Variants in HAVCR2 observed in about 807,000 individuals in gnomAD.
HAVCR2 encodes the protein T cell immunoglobulin mucin 3.
Under a neutral mutation model 24.7 loss-of-function variants are expected in HAVCR2, and 13 were observed. The observed-to-expected ratio is 0.53, with a 90% CI of 0.34 to 0.84. HAVCR2 has a LOEUF of 0.84. Ranked by LOEUF, HAVCR2 falls within the 40% of genes least tolerant of loss-of-function variation. HAVCR2 has a pLI of 0.01. For synonymous variants in HAVCR2, 154 were observed against 143.4 expected, an observed-to-expected ratio of 1.07 and a Z score of -0.53; for missense variants, 343 against 371.2, an observed-to-expected ratio of 0.92 and a Z score of 0.62.
chr5:157,094,392 AC>A (rs1177880150), intron 5 of HAVCR2, among the ~76,000 whole-genome samples: 4 of 148,078 alleles, frequency 2.7e-5, no homozygotes, highest in African/African-American at 5.1e-5. Context: ...ATATTTTATT[AC>A]TTTTTTTTTT....
chr5:157,091,939 C>T (rs780941945), intron 5 of HAVCR2, among the ~76,000 whole-genome samples: 2 of 151,874 alleles, frequency 1.3e-5, no homozygotes, highest in Non-Finnish European at 2.9e-5. Flanking sequence ...AAGCTGTCAC[C>T]TTGATTTTAA....
intron 5 of HAVCR2, among the ~76,000 whole-genome samples, chr5:157,094,392 A>C (rs1757062231): frequency 1.4e-5 from 2 of 148,078 alleles, no homozygotes; most frequent in Admixed American, 1.3e-4. Flanking sequence ...ATATTTTATT[A>C]CTTTTTTTTT....
At chr5:157,088,617 A>C (rs12519200) in intron 6 of HAVCR2, among the ~76,000 whole-genome samples, 9,138 of 152,292 alleles carry the variant, frequency 0.06, 418 homozygotes, top group Admixed American at 0.14. Context: ...AGTGCAGCCC[A>C]GACCCTGGAT....
chr5:157,106,271 C>A, intron 2 of HAVCR2: 1 of 184,606 alleles, frequency 5.4e-6, no homozygotes, highest in Non-Finnish European at 1.1e-5. Context: ...GCTAGAATTA[C>A]AGGCTCCCGT....
rs989419886 is a variant in HAVCR2, at chr5:157,085,919, G to A, written c.*1183C>T. On this transcript the variant is annotated 3_prime_UTR_variant, in exon 7 of 7. Coordinates refer to ENST00000307851, the MANE Select transcript of HAVCR2 (RefSeq NM_032782.5). ...GGCAACAATAAGCAAGACAGATCAA[G>A]CCTATACCGTCTTGAAATTTAAGTT... 6.6e-6 allele frequency: 1 copy of A among 152,190 alleles called. No homozygotes were observed. 9.4% of individuals were successfully genotyped at this position (152,190 alleles called of 1,614,324 possible).
Position 157,098,918 on chromosome 5 carries a change from A to C in HAVCR2, c.479-17T>G. 1 of 1,608,894 alleles carries C rather than the reference A, an allele frequency of 6.2e-7. No homozygotes were observed. Among genetic ancestry groups the C allele is most frequent in the Non-Finnish European group, 8.5e-7 (1 of 1,177,772 alleles). The stretch of plus-strand genomic sequence containing the variant: ...GTGTCTCTGCTATAAAAAGAGAGAG[A>C]GAGAGAGAGAGAGGAAAAATAGCCA... On this transcript the variant is annotated splice_polypyrimidine_tract_variant and intron_variant, in intron 3 of 6. Coordinates refer to ENST00000307851, the MANE Select transcript of HAVCR2 (RefSeq NM_032782.5).
At chr5:157,090,643 G>A (rs573135846) in intron 5 of HAVCR2, among the ~76,000 whole-genome samples, 42 of 152,176 alleles carry the variant, frequency 2.8e-4, no homozygotes, top group African/African-American at 7.9e-4. Flanking sequence ...TTGGCCTCCC[G>A]AAGTGTTAGG....
intron 5 of HAVCR2, among the ~76,000 whole-genome samples, chr5:157,092,977 A>T (rs902497995): frequency 6.8e-6 from 1 of 146,122 alleles, no homozygotes; most frequent in Non-Finnish European, 1.5e-5. Context: ...CTGAGGCACA[A>T]GAATTGCTTG....
rs755949696 is a variant in HAVCR2, at chr5:157,095,466, A to G, written c.523-7T>C. The G allele has an allele frequency of 1.2e-6, 2 of 1,613,820 alleles. No individual in the cohort carries two copies. Among genetic ancestry groups the G allele is most frequent in the Non-Finnish European group, 1.7e-6 (2 of 1,179,960 alleles). On this transcript the variant is annotated splice_polypyrimidine_tract_variant and splice_region_variant and intron_variant, in intron 4 of 6. Coordinates refer to ENST00000307851, the MANE Select transcript of HAVCR2 (RefSeq NM_032782.5). Reference sequence around the variant, plus strand: ...TGGCCAATGTGGATATTTGCTATGGAAACACAAACAGGATTTAAGCAGAAA... The same window carrying G: ...TGGCCAATGTGGATATTTGCTATGGGAACACAAACAGGATTTAAGCAGAAA...
intron 2 of HAVCR2, among the ~76,000 whole-genome samples, chr5:157,105,152 C>A (rs906651133): frequency 7.2e-5 from 11 of 151,824 alleles, no homozygotes; most frequent in Non-Finnish European, 1.3e-4. Context: ...GCAACCTCCG[C>A]CTCCTGGGTT....
intron 5 of HAVCR2, among the ~76,000 whole-genome samples, chr5:157,090,218 C>T (rs1756978147): frequency 7.8e-6 from 1 of 128,912 alleles, no homozygotes; most frequent in Non-Finnish European, 1.6e-5. Context: ...CAACTTTGAA[C>T]TCCTGGGCTC....
intron 6 of HAVCR2, among the ~76,000 whole-genome samples, chr5:157,088,536 A>G (rs932892485): frequency 6.6e-6 from 1 of 152,230 alleles, no homozygotes; most frequent in Non-Finnish European, 1.5e-5. Context: ...ACTAAAGTTG[A>G]AAATGCCTGG....
rs374195415 is a variant in HAVCR2, at chr5:157,104,730, C to T, written c.414G>A (p.Pro138=). 1.3e-4 allele frequency: 210 copies of T among 1,599,552 alleles called. No homozygotes were observed. Among genetic ancestry groups the T allele is most frequent in the Non-Finnish European group, 1.7e-4 (199 of 1,171,876 alleles). Residue 138 remains proline (P), a synonymous_variant, in exon 3 of 7, where the codon CCG becomes CCA. Transcript: ENST00000307851. ...CTGCAGTGAAGTCTCTCTGCCGAGT[C>T]GGTGCAGGGGTGACCTTGGCTAATG... ...VIKPAKVTPA[P]TRQRDFTAAF... is the part of the protein sequence containing the mutation.
intron 2 of HAVCR2, among the ~76,000 whole-genome samples, chr5:157,105,869 G>A (rs553155113): frequency 3.3e-5 from 5 of 152,176 alleles, no homozygotes; most frequent in Non-Finnish European, 7.3e-5. Context: ...TTTGGTAGTG[G>A]GGTTTTTTCT....
At chr5:157,103,085 C>G (rs370943541) in intron 3 of HAVCR2, among the ~76,000 whole-genome samples, 3 of 150,212 alleles carry the variant, frequency 2.0e-5, no homozygotes, top group African/African-American at 7.4e-5. Context: ...AAGTACTGGC[C>G]GGGCGCGGTG....
intron 1 of HAVCR2, chr5:157,107,258 G>A (rs1033241008): frequency 2.2e-5 from 7 of 319,070 alleles, no homozygotes; most frequent in Admixed American, 4.6e-5. Flanking sequence ...TGAAGTGGCT[G>A]GTCTCAGAAC....
chr5:157,098,947 G>A, intron 3 of HAVCR2, 46 bp from the exon 4 acceptor site: 2 of 1,551,892 alleles, frequency 1.3e-6, no homozygotes, highest in Non-Finnish European at 1.8e-6. Flanking sequence ...ATAGCCAATA[G>A]TATAGTTAAG....
intron 3 of HAVCR2, among the ~76,000 whole-genome samples, chr5:157,100,437 T>A (rs1323074287): frequency 6.6e-6 from 1 of 152,226 alleles, no homozygotes; most frequent in African/African-American, 2.4e-5. Context: ...TATTTCTTCA[T>A]CTGCTGATCC....
intron 2 of HAVCR2, among the ~76,000 whole-genome samples, chr5:157,105,234 T>C (rs1757230448): frequency 6.6e-6 from 1 of 152,060 alleles, no homozygotes; most frequent in Admixed American, 6.6e-5. Context: ...CTGGCTAATT[T>C]TGTATTTTTA....
Sources: allele counts gnomAD v4.1 joint callset (sites outside exome capture counted in the v4.1 genomes callset), GRCh38; gene constraint gnomAD v4.1.1; transcripts MANE v1.5; gene names NCBI Gene and HGNC (gene_info 2026-07-23, HGNC 2026-07-21).